Variants in AGBL1 observed in about 807,000 individuals in gnomAD.
The protein encoded by AGBL1 is cytosolic carboxypeptidase 4.
In AGBL1, 130 loss-of-function variants were observed where a neutral mutation model predicts 118.9. The ratio of observed to expected loss-of-function variants is 1.09; its 90% CI spans 0.95 to 1.26. The LOEUF (loss-of-function observed/expected upper bound fraction) is 1.26. Among genes scored for constraint, AGBL1 ranks in the 50% most tolerant of loss-of-function variants. AGBL1 has a pLI of 0.00. For synonymous variants in AGBL1, 555 were observed against 478.9 expected, an observed-to-expected ratio of 1.16 and a Z score of -2.08; for missense variants, 1,584 against 1,298.1, an observed-to-expected ratio of 1.22 and a Z score of -3.38.
rs144872231 is a variant in AGBL1, at chr15:86,859,213, C to T, written c.3159-47874C>T. Among the ~76,000 whole-genome samples, 1,256 of 152,282 alleles carry T rather than the reference C, an allele frequency of 8.2e-3. 4 individuals are homozygous for T. Among genetic ancestry groups the T allele is most frequent in the Non-Finnish European group, 0.014 (940 of 68,022 alleles). On this transcript the variant is annotated intron_variant, in intron 22 of 22. Coordinates refer to ENST00000614907, the MANE Select transcript of AGBL1 (RefSeq NM_001386094.1). ...GTGATAAATCCATAGATGGATGTTT[C>T]CAGCACAACTGATCACCCTGGATGC...
chr15:86,262,457 A>G (rs1287290534), intron 9 of AGBL1, among the ~76,000 whole-genome samples: 2 of 152,190 alleles, frequency 1.3e-5, no homozygotes, highest in African/African-American at 2.4e-5. Context: ...GATGCTGACG[A>G]TAGTGGCAAT....
At chr15:86,833,276 G>A (rs1292740944) in intron 22 of AGBL1, among the ~76,000 whole-genome samples, 1 of 152,036 alleles carries the variant, frequency 6.6e-6, no homozygotes, top group Non-Finnish European at 1.5e-5. Context: ...ATCATGTAAT[G>A]TACTTAATAT....
chr15:86,728,330 T>G (rs1016738065), intron 22 of AGBL1, among the ~76,000 whole-genome samples: 1 of 152,160 alleles, frequency 6.6e-6, no homozygotes, highest in South Asian at 2.1e-4. Context: ...GTTGACAAAA[T>G]GAGTTCCTTT....
chr15:86,413,227 C>A (rs552277065), intron 18 of AGBL1, among the ~76,000 whole-genome samples: 1 of 152,170 alleles, frequency 6.6e-6, no homozygotes, highest in East Asian at 1.9e-4. Flanking sequence ...CTTAAATCTC[C>A]ACAATATTAG....
chr15:86,514,135 A>AACACAC (rs3084321), intron 18 of AGBL1, among the ~76,000 whole-genome samples: 7,827 of 149,234 alleles, frequency 0.052, 226 homozygotes, highest in Non-Finnish European at 0.07. Flanking sequence ...TACACACACA[A>AACACAC]ACACACACAC....
At chr15:86,463,381 C>T (rs563341392) in intron 18 of AGBL1, among the ~76,000 whole-genome samples, 5 of 151,188 alleles carry the variant, frequency 3.3e-5, no homozygotes, top group African/African-American at 1.2e-4. Context: ...TTCTCCCATT[C>T]TGTAGGTTGC....
intron 5 of AGBL1, among the ~76,000 whole-genome samples, chr15:86,200,686 G>A (rs185992589): frequency 2.0e-5 from 3 of 150,432 alleles, no homozygotes; most frequent in Admixed American, 1.3e-4. Context: ...GCGCGATCTC[G>A]GCTCACTGCA....
At chr15:86,807,890 C>G (rs1403207227) in intron 22 of AGBL1, among the ~76,000 whole-genome samples, 4 of 152,066 alleles carry the variant, frequency 2.6e-5, no homozygotes, top group Non-Finnish European at 5.9e-5. Flanking sequence ...CTGCTATGTT[C>G]CACCCATTCC....
chr15:86,543,197 G>T (rs1320694979), intron 19 of AGBL1, among the ~76,000 whole-genome samples: 1 of 148,324 alleles, frequency 6.7e-6, no homozygotes, highest in East Asian at 1.9e-4. Flanking sequence ...TTTAGTGTTT[G>T]CCCTATTGTT....
chr15:86,746,539 T>C (rs72765757), intron 22 of AGBL1, among the ~76,000 whole-genome samples: 28,874 of 151,942 alleles, frequency 0.19, 2,894 homozygotes, highest in East Asian at 0.28. Context: ...CACATCAGCC[T>C]CCACCGATAG....
In AGBL1 at chr15:86,087,610, G is replaced by C. The variant is rs141094056; in HGVS notation, c.51+7587G>C. 1.1e-3 allele frequency among the ~76,000 whole-genome samples: 163 copies of C among 152,274 alleles called. 2 individuals are homozygous for C. In the East Asian group the frequency reaches 0.021, roughly 20 times the overall value. ...CTCCCAAAGTGCTGGGATTACAGGC[G>C]TGAGCCACTGCACCCCGCCCTCATT... is the stretch of plus-strand genomic sequence containing the variant. On this transcript the variant is annotated intron_variant, in intron 1 of 22. Coordinates refer to ENST00000614907, the MANE Select transcript of AGBL1 (RefSeq NM_001386094.1).
intron 22 of AGBL1, among the ~76,000 whole-genome samples, chr15:86,876,683 TG>T (rs2079815103): frequency 6.6e-6 from 1 of 152,206 alleles, no homozygotes; most frequent in Non-Finnish European, 1.5e-5. Context: ...ACTCTGCCCT[TG>T]TAGCACAAAA....
intron 18 of AGBL1, among the ~76,000 whole-genome samples, chr15:86,497,347 T>C (rs2082866984): frequency 6.6e-6 from 1 of 152,016 alleles, no homozygotes; most frequent in Non-Finnish European, 1.5e-5. Flanking sequence ...CTGTATCCAG[T>C]TCCAAAATTC....
intron 23 of AGBL1, among the ~76,000 whole-genome samples, chr15:86,929,735 T>A (rs2080583113): frequency 6.6e-6 from 1 of 152,212 alleles, no homozygotes; most frequent in Non-Finnish European, 1.5e-5. Flanking sequence ...GCCAGCGTGT[T>A]TCAGCTTTGA....
intron 22 of AGBL1, among the ~76,000 whole-genome samples, chr15:86,790,782 C>T (rs925972666): frequency 1.3e-5 from 2 of 152,036 alleles, no homozygotes; most frequent in African/African-American, 4.8e-5. Flanking sequence ...CAATTTAATT[C>T]AACAAGCATT....
At chr15:86,645,402 A>T (rs868039280) in intron 21 of AGBL1, among the ~76,000 whole-genome samples, 1 of 152,238 alleles carries the variant, frequency 6.6e-6, no homozygotes, top group South Asian at 2.1e-4. Context: ...TTTTAAAATT[A>T]AAAAATGGGA....
At chr15:86,498,074 A>G (rs1190312162) in intron 18 of AGBL1, among the ~76,000 whole-genome samples, 1 of 151,906 alleles carries the variant, frequency 6.6e-6, no homozygotes, top group East Asian at 1.9e-4. Context: ...TTTTCCATTA[A>G]GATTTTATAG....
Position 86,397,536 on chromosome 15 carries a change from A to G in AGBL1, c.2545A>G (p.Ile849Val), listed in dbSNP as rs766667015. 5.0e-6 allele frequency: 8 copies of G among 1,607,620 alleles called. No individual in the cohort carries two copies. The African/African-American group carries it at 9.4e-5, about 19-fold the overall frequency. The stretch of plus-strand genomic sequence containing the variant: ...ACCCATGCTCAACCCAGATGGTGTC[A>G]TCAACGGCAAGTATGTCAGGCACCT... ...IIPMLNPDGV[I>V]NGNHRCSLSG... Residue 849 changes from isoleucine to valine, a missense_variant, in exon 18 of 23, where the codon ATC becomes GTC. Physicochemically the swap from Ile to Val is conservative, Grantham distance 29 (BLOSUM62 3). Transcript: ENST00000614907.
intron 21 of AGBL1, among the ~76,000 whole-genome samples, chr15:86,668,160 C>G (rs1267723207): frequency 6.6e-6 from 1 of 152,196 alleles, no homozygotes; most frequent in Non-Finnish European, 1.5e-5. Context: ...AACCAAACAC[C>G]TCCCACCAGA....
Sources: gnomAD v4.1 joint callset for allele counts (sites outside exome capture counted in the v4.1 genomes callset) on GRCh38, gnomAD v4.1.1 for gene constraint, MANE v1.5 for transcripts, NCBI Gene and HGNC (gene_info 2026-07-23, HGNC 2026-07-21) for gene names.